The following MAP2K4 variants were observed in gnomAD, a reference collection of about 807,000 sequenced individuals.
MAP2K4 encodes the protein mitogen-activated protein kinase kinase 4.
In MAP2K4, 4 loss-of-function variants were observed where a neutral mutation model predicts 48.5. The ratio of observed to expected loss-of-function variants is 0.08; its 90% CI spans 0.04 to 0.19. The LOEUF is 0.19. Ranked by LOEUF, MAP2K4 falls within the 10% of genes least tolerant of loss-of-function variation. MAP2K4 has a pLI of 1.00. For synonymous variants in MAP2K4, 166 were observed against 173.1 expected, an observed-to-expected ratio of 0.96 and a Z score of 0.32; for missense variants, 258 against 493.3, an observed-to-expected ratio of 0.52 and a Z score of 4.52.
At chr17:12,101,851 A>G (rs1196973988) in intron 4 of MAP2K4, among the ~76,000 whole-genome samples, 1 of 152,058 alleles carries the variant, frequency 6.6e-6, no homozygotes, top group Admixed American at 6.6e-5. Context: ...TGATTTTTTT[A>G]TATTGATCTT....
intron 1 of MAP2K4, among the ~76,000 whole-genome samples, chr17:12,025,701 A>T (rs995983713): frequency 1.3e-5 from 2 of 152,196 alleles, no homozygotes; most frequent in African/African-American, 4.8e-5. Context: ...GAAAGATGAT[A>T]GCTTGATTCT....
chr17:12,075,431 A>G (rs1970970153), intron 2 of MAP2K4, among the ~76,000 whole-genome samples: 1 of 152,364 alleles, frequency 6.6e-6, no homozygotes, highest in African/African-American at 2.4e-5. Context: ...ATGTAAATTC[A>G]TAAACACAAG....
intron 1 of MAP2K4, among the ~76,000 whole-genome samples, chr17:12,035,349 C>G (rs1969559821): frequency 6.6e-6 from 1 of 152,110 alleles, no homozygotes; most frequent in South Asian, 2.1e-4. Context: ...GAAACCCCGC[C>G]TCTACTAAAA....
In MAP2K4 at chr17:12,036,890, T is replaced by TC. The variant is rs905761571; in HGVS notation, c.115+15896dup. Among the ~76,000 whole-genome samples the TC allele has an allele frequency of 3.7e-4, 48 of 129,786 alleles. No individual in the cohort carries two copies. The East Asian group carries it at 4.5e-3, about 12-fold the overall frequency. The allele number at this position is 129,786 out of a possible 152,430, so 85.1% of individuals were successfully genotyped here. A position where few individuals can be genotyped will look rare whatever the true frequency, so the allele number is the denominator to read the frequency against. ...TGCTTTTAGCTCTTTATCACTATCC[T>TC]CCCCCCCGCCACCTTTTTTTTGTAG... On this transcript the variant is annotated intron_variant, in intron 1 of 10. Coordinates refer to ENST00000353533, the MANE Select transcript of MAP2K4 (RefSeq NM_003010.4).
chr17:12,027,153 G>T (rs1969278148), intron 1 of MAP2K4, among the ~76,000 whole-genome samples: 1 of 152,114 alleles, frequency 6.6e-6, no homozygotes, highest in South Asian at 2.1e-4. Context: ...TTCATGCTCG[G>T]TAAGGTTGGG....
intron 1 of MAP2K4, among the ~76,000 whole-genome samples, chr17:12,042,571 G>T (rs1467551448): frequency 6.6e-6 from 1 of 152,076 alleles, no homozygotes; most frequent in African/African-American, 2.4e-5. Context: ...AGCTCGGGAG[G>T]TGAAAGCCGC....
chr17:12,054,055 TTATTGA>T (rs1354296182), intron 1 of MAP2K4, among the ~76,000 whole-genome samples: 1 of 152,190 alleles, frequency 6.6e-6, no homozygotes, highest in Non-Finnish European at 1.5e-5. Flanking sequence ...TCTGTAAGAC[TTATTGA>T]TATAGAAAGA....
At chr17:12,060,640 A>G (rs1970418771) in intron 2 of MAP2K4, among the ~76,000 whole-genome samples, 1 of 152,160 alleles carries the variant, frequency 6.6e-6, no homozygotes, top group Non-Finnish European at 1.5e-5. Flanking sequence ...GTGGTGGACC[A>G]CTTTTACAAA....
chr17:12,123,954 A>G (rs1972771815), intron 7 of MAP2K4, among the ~76,000 whole-genome samples: 1 of 152,178 alleles, frequency 6.6e-6, no homozygotes, highest in South Asian at 2.1e-4. Flanking sequence ...AGGATTAATC[A>G]ATGTTCCATG....
At chr17:12,107,986 T>C in intron 5 of MAP2K4, 77 bp downstream of exon 5, 2 of 1,267,660 alleles carry the variant, frequency 1.6e-6, no homozygotes, top group South Asian at 3.6e-5. Flanking sequence ...AATGCACATA[T>C]TTGAGTGTCA....
intron 2 of MAP2K4, among the ~76,000 whole-genome samples, chr17:12,075,130 T>C (rs981227115): frequency 1.3e-5 from 2 of 152,206 alleles, no homozygotes; most frequent in Admixed American, 6.5e-5. Context: ...GGATTCAAAA[T>C]AGTTTCTTAC....
chr17:12,086,886 G>A (rs974135497), intron 3 of MAP2K4, among the ~76,000 whole-genome samples: 4 of 151,892 alleles, frequency 2.6e-5, no homozygotes, highest in East Asian at 3.9e-4. Flanking sequence ...TCACTGCGTC[G>A]CCCAGGCTGG....
chr17:12,128,102 G>A (rs940019347), intron 8 of MAP2K4, among the ~76,000 whole-genome samples: 1 of 152,268 alleles, frequency 6.6e-6, no homozygotes, highest in South Asian at 2.1e-4. Context: ...TTTTGAGATG[G>A]AGTCTCTCTC....
chr17:12,046,789 G>A (rs1043447403), intron 1 of MAP2K4, among the ~76,000 whole-genome samples: 2 of 152,102 alleles, frequency 1.3e-5, no homozygotes, highest in African/African-American at 4.8e-5. Flanking sequence ...ATTCCATGAA[G>A]CTTCATAAAC....
intron 3 of MAP2K4, among the ~76,000 whole-genome samples, chr17:12,092,861 C>T (rs1365728545): frequency 6.6e-6 from 1 of 152,100 alleles, no homozygotes; most frequent in East Asian, 1.9e-4. Flanking sequence ...CCCGTCTCTA[C>T]TAAAAATACA....
intron 1 of MAP2K4, chr17:12,032,326 C>G (rs1969465920): frequency 8.1e-7 from 1 of 1,240,968 alleles, no homozygotes; most frequent in African/African-American, 1.5e-5. Flanking sequence ...TGATATTATG[C>G]TATTTATTTT....
At position 12,143,020 on chromosome 17, in the gene MAP2K4, T is replaced by G. The variant is rs536188976; in HGVS notation, c.*1760T>G. On this transcript the variant is annotated 3_prime_UTR_variant, in exon 11 of 11. Transcript: ENST00000353533. Reference sequence around the variant, plus strand: ...TGTTTAAAGTCACATCCCTGTAAATTGCAGAATTCAAAAGTGATTATCTCT... The same window carrying G: ...TGTTTAAAGTCACATCCCTGTAAATGGCAGAATTCAAAAGTGATTATCTCT... 3.0e-5 allele frequency: 7 copies of G among 233,018 alleles called. No individual in the cohort carries two copies. In the South Asian group the frequency reaches 9.0e-4, roughly 30 times the overall value. The allele number at this position is 233,018 out of a possible 1,614,324, so 14.4% of individuals were successfully genotyped here.
At chr17:12,131,747 A>G (rs1442161678) in intron 9 of MAP2K4, among the ~76,000 whole-genome samples, 2 of 152,238 alleles carry the variant, frequency 1.3e-5, no homozygotes, top group Non-Finnish European at 2.9e-5. Flanking sequence ...GGATTTCATT[A>G]AAATTAAGAA....
At chr17:12,132,729 A>C (rs1205015459) in intron 9 of MAP2K4, among the ~76,000 whole-genome samples, 1 of 151,846 alleles carries the variant, frequency 6.6e-6, no homozygotes, top group Non-Finnish European at 1.5e-5. Context: ...ATTTACAGAC[A>C]ACAGTATAGG....
Sources: allele counts gnomAD v4.1 joint callset (sites outside exome capture counted in the v4.1 genomes callset), GRCh38; gene constraint gnomAD v4.1.1; transcripts MANE v1.5; gene names NCBI Gene and HGNC (gene_info 2026-07-23, HGNC 2026-07-21).